Variants in CNTNAP5 observed in about 807,000 individuals in gnomAD.
CNTNAP5 encodes contactin associated protein family member 5.
In CNTNAP5, 72 loss-of-function variants were observed where a neutral mutation model predicts 150.2. The ratio of observed to expected loss-of-function variants is 0.48; its 90% CI spans 0.40 to 0.58. The LOEUF (loss-of-function observed/expected upper bound fraction) is 0.58. Among genes scored for constraint, CNTNAP5 ranks in the 20% least tolerant of loss-of-function variants. The pLI is 0.00. For missense variants in CNTNAP5, 1,636 were observed against 1,626.2 expected (o/e 1.01, Z -0.10); for synonymous variants, 672 against 619.8 (o/e 1.08, Z -1.25).
At chr2:124,467,204 A>C (rs1433016524) in intron 6 of CNTNAP5, among the ~76,000 whole-genome samples, 1 of 152,204 alleles carries the variant, frequency 6.6e-6, no homozygotes, top group Admixed American at 6.5e-5. Context: ...CCCTTATGTG[A>C]GTACCTGTGT....
intron 14 of CNTNAP5, among the ~76,000 whole-genome samples, chr2:124,754,615 C>T (rs566732196): frequency 2.0e-5 from 3 of 152,314 alleles, no homozygotes; most frequent in Admixed American, 6.5e-5. Flanking sequence ...TGAATATACT[C>T]TTAAAGTATA....
intron 19 of CNTNAP5, among the ~76,000 whole-genome samples, chr2:124,857,436 G>A (rs1478312046): frequency 6.6e-6 from 1 of 152,000 alleles, no homozygotes; most frequent in African/African-American, 2.4e-5. Context: ...TGAGAAGGAG[G>A]CTAAACCAGT....
At chr2:124,755,942 T>A (rs1680831441) in intron 14 of CNTNAP5, among the ~76,000 whole-genome samples, 1 of 152,216 alleles carries the variant, frequency 6.6e-6, no homozygotes, top group African/African-American at 2.4e-5. Context: ...CTAAGTCATT[T>A]AGCGTCTCTG....
chr2:124,306,615 C>T (rs1456567395), intron 3 of CNTNAP5, among the ~76,000 whole-genome samples: 2 of 151,914 alleles, frequency 1.3e-5, no homozygotes, highest in Admixed American at 6.6e-5. Context: ...TGTTGAGGTG[C>T]TATCACCAGA....
chr2:124,553,607 TA>T (rs1308591567), intron 10 of CNTNAP5, among the ~76,000 whole-genome samples: 2 of 152,170 alleles, frequency 1.3e-5, no homozygotes, highest in African/African-American at 4.8e-5. Flanking sequence ...TGTTTTTCTG[TA>T]ATATTTGCAA....
chr2:124,152,611 G>C (rs1323699737), intron 1 of CNTNAP5, among the ~76,000 whole-genome samples: 1 of 152,118 alleles, frequency 6.6e-6, no homozygotes, highest in Non-Finnish European at 1.5e-5. Context: ...TGGAGGGAGA[G>C]AGCATGTGGA....
chr2:124,610,396 C>T (rs549048704), intron 12 of CNTNAP5, among the ~76,000 whole-genome samples: 6 of 152,272 alleles, frequency 3.9e-5, no homozygotes, highest in African/African-American at 1.4e-4. Flanking sequence ...TGGCTACCCC[C>T]AGAGCTGTGA....
In CNTNAP5 at chr2:124,621,059, G is replaced by C. The variant is rs1050588153; in HGVS notation, c.1876+11139G>C. Among the ~76,000 whole-genome samples, 3 of 151,990 alleles carry C rather than the reference G, an allele frequency of 2.0e-5. No homozygotes were observed. The East Asian group carries it at 5.8e-4, about 29-fold the overall frequency. ...AATATTGATAAAACAGAATTATAAG[G>C]GTGAGGCACCCTGACAAGATTTTCC... On this transcript the variant is annotated intron_variant, in intron 12 of 23. Coordinates refer to ENST00000682447, the MANE Select transcript of CNTNAP5 (RefSeq NM_001367498.1).
At chr2:124,421,030 A>G (rs975447062) in intron 4 of CNTNAP5, among the ~76,000 whole-genome samples, 4 of 152,210 alleles carry the variant, frequency 2.6e-5, no homozygotes. Context: ...AGCTATGTCC[A>G]TATTTTTAAA....
At chr2:124,129,365 G>A (rs903451357) in intron 1 of CNTNAP5, among the ~76,000 whole-genome samples, 2 of 152,148 alleles carry the variant, frequency 1.3e-5, no homozygotes, top group African/African-American at 4.8e-5. Context: ...GGGCTTCGAG[G>A]TTAAGCATAT....
intron 13 of CNTNAP5, among the ~76,000 whole-genome samples, chr2:124,738,728 CAA>C (rs35823681): frequency 1.6e-4 from 21 of 129,990 alleles, no homozygotes; most frequent in Non-Finnish European, 1.3e-4. Flanking sequence ...GAGACTCCAT[CAA>C]AAAAAAAAAA....
intron 5 of CNTNAP5, among the ~76,000 whole-genome samples, chr2:124,446,077 G>A (rs1206174583): frequency 6.6e-6 from 1 of 152,070 alleles, no homozygotes; most frequent in Non-Finnish European, 1.5e-5. Flanking sequence ...TATGACCCGA[G>A]CCATGATCCA....
Position 124,804,089 on chromosome 2 carries a change from T to C in CNTNAP5, c.3217+5769T>C, listed in dbSNP as rs150781849. 8.7e-4 allele frequency among the ~76,000 whole-genome samples: 133 copies of C among 152,372 alleles called. 1 individual carries two copies. Among genetic ancestry groups the C allele is most frequent in the African/African-American group, 3.1e-3 (129 of 41,592 alleles). On this transcript the variant is annotated intron_variant, in intron 19 of 23. Coordinates refer to ENST00000682447, the MANE Select transcript of CNTNAP5 (RefSeq NM_001367498.1). ...TTTAAAATTCCCAGTAGTCTTTTGC[T>C]ATCTCCCAGACTTTGTTTTAGTTGT...
intron 10 of CNTNAP5, among the ~76,000 whole-genome samples, chr2:124,530,112 G>C (rs1695069002): frequency 2.0e-5 from 3 of 152,146 alleles, no homozygotes. Context: ...AGAAGTTCGA[G>C]ATCAGCCTGG....
At chr2:124,772,227 A>C (rs939814710) in intron 16 of CNTNAP5, among the ~76,000 whole-genome samples, 7 of 152,218 alleles carry the variant, frequency 4.6e-5, no homozygotes, top group South Asian at 2.1e-4. Flanking sequence ...GAGAGGCAGA[A>C]AGAATAATGG....
intron 8 of CNTNAP5, among the ~76,000 whole-genome samples, chr2:124,505,220 C>T (rs55907617): frequency 1.4e-3 from 218 of 152,200 alleles, no homozygotes; most frequent in Non-Finnish European, 2.6e-3. Flanking sequence ...CATATGGAAT[C>T]TTCACCATGC....
In CNTNAP5 at chr2:124,089,687, C is replaced by A. The variant is rs569084638; in HGVS notation, c.82+63955C>A. Among the ~76,000 whole-genome samples, 4 of 152,304 alleles carry A rather than the reference C, an allele frequency of 2.6e-5. No individual in the cohort carries two copies. In the South Asian group the frequency reaches 8.3e-4, roughly 32 times the overall value. On this transcript the variant is annotated intron_variant, in intron 1 of 23. Transcript: ENST00000682447. ...TTGATTTACAGATCTTGCTCCCAGT[C>A]CAGATCTTACTCTATGCTGCATTTT...
intron 13 of CNTNAP5, among the ~76,000 whole-genome samples, chr2:124,674,509 C>CTCTTTCTTTCTTTCTTTCTT (rs768888927): frequency 1.6e-3 from 188 of 115,422 alleles, no homozygotes; most frequent in South Asian, 4.1e-3. Context: ...TTCTTTCTTT[C>CTCTTTCTTTCTTTCTTTCTT]TCTTTCTTTC....
chr2:124,380,990 A>C, intron 3 of CNTNAP5, among the ~76,000 whole-genome samples: 1 of 152,162 alleles, frequency 6.6e-6, no homozygotes, highest in East Asian at 1.9e-4. Context: ...GAGGGCTGGA[A>C]TCTCTGAGAA....
Sources: gnomAD v4.1 joint callset for allele counts (sites outside exome capture counted in the v4.1 genomes callset) on GRCh38, gnomAD v4.1.1 for gene constraint, MANE v1.5 for transcripts, NCBI Gene and HGNC (gene_info 2026-07-23, HGNC 2026-07-21) for gene names.